Variants in MYO1D observed in about 807,000 individuals in gnomAD.
The protein encoded by MYO1D is myosin ID, also known as unconventional myosin-Id.
A neutral mutation model predicts 122.0 loss-of-function variants in MYO1D; 83 were observed. The ratio of observed to expected loss-of-function variants is 0.68; its 90% CI spans 0.57 to 0.82. The LOEUF (loss-of-function observed/expected upper bound fraction) is 0.82, where lower values mean the gene tolerates loss of function less well. Among genes scored for constraint, MYO1D ranks in the 40% least tolerant of loss-of-function variants. The probability of loss-of-function intolerance (pLI) is 0.00; values close to 1 mark genes in which losing one functional copy is unlikely to be tolerated. For missense variants in MYO1D, 1,157 were observed against 1,269.5 expected (o/e 0.91, Z 1.35); for synonymous variants, 464 against 446.9 (o/e 1.04, Z -0.48).
intron 1 of MYO1D, among the ~76,000 whole-genome samples, chr17:32,872,775 C>G (rs1265582353): frequency 6.6e-6 from 1 of 150,892 alleles, no homozygotes; most frequent in African/African-American, 2.4e-5. Flanking sequence ...CGGCTCACTG[C>G]AAGCTCCGCT....
At chr17:32,768,945 C>A (rs983069925) in intron 6 of MYO1D, among the ~76,000 whole-genome samples, 6 of 152,184 alleles carry the variant, frequency 3.9e-5, no homozygotes, top group Admixed American at 2.0e-4. Context: ...CCATCCTCTA[C>A]CCTCATTTCT....
At chr17:32,849,652 G>A (rs12939809) in intron 1 of MYO1D, among the ~76,000 whole-genome samples, 1 of 151,104 alleles carries the variant, frequency 6.6e-6, no homozygotes, top group African/African-American at 2.5e-5. Flanking sequence ...ATCACACTCT[G>A]GGGACTGTTG....
At chr17:32,495,015 G>T in intron 21 of MYO1D, 100 bp from the exon 22 acceptor site, 1 of 1,383,416 alleles carries the variant, frequency 7.2e-7, no homozygotes, top group Non-Finnish European at 9.8e-7. Flanking sequence ...GGCGCAGCCT[G>T]CTTCCTCCAC....
At chr17:32,620,770 A>C (rs755532072) in intron 20 of MYO1D, among the ~76,000 whole-genome samples, 2 of 152,232 alleles carry the variant, frequency 1.3e-5, no homozygotes, top group East Asian at 3.8e-4. Context: ...TCAGAAATGT[A>C]GTTTCTCCTG....
intron 1 of MYO1D, among the ~76,000 whole-genome samples, chr17:32,853,303 C>A (rs910555249): frequency 1.3e-5 from 2 of 152,182 alleles, no homozygotes; most frequent in African/African-American, 4.8e-5. Context: ...TCATTAACAC[C>A]ACAGTCTTCT....
chr17:32,523,673 C>T (rs1369926258), intron 21 of MYO1D, among the ~76,000 whole-genome samples: 3 of 151,302 alleles, frequency 2.0e-5, no homozygotes, highest in African/African-American at 7.3e-5. Flanking sequence ...TGGTGGTGTG[C>T]ACTTATAGTC....
chr17:32,712,670 A>T (rs78359596), intron 15 of MYO1D, among the ~76,000 whole-genome samples: 2 of 151,458 alleles, frequency 1.3e-5, no homozygotes, highest in African/African-American at 2.4e-5. Context: ...ATCTCTAGAT[A>T]AAAAAACTAT....
At chr17:32,577,307 T>G (rs117816692) in intron 21 of MYO1D, among the ~76,000 whole-genome samples, 2,685 of 151,684 alleles carry the variant, frequency 0.018, 43 homozygotes, top group South Asian at 0.027. Flanking sequence ...TTATTTTGTG[T>G]TTTTTGTAGA....
intron 12 of MYO1D, among the ~76,000 whole-genome samples, chr17:32,746,137 T>G (rs1669616176): frequency 6.6e-6 from 1 of 152,210 alleles, no homozygotes; most frequent in South Asian, 2.1e-4. Context: ...CTTACATATT[T>G]AATCCTGCAA....
chr17:32,542,766 C>A (rs150460577), intron 21 of MYO1D, among the ~76,000 whole-genome samples: 1,687 of 152,214 alleles, frequency 0.011, 8 homozygotes, highest in East Asian at 0.047. Context: ...TAAGCACAGT[C>A]CAGTGAGGCC....
At chr17:32,522,791 G>T (rs1910192640) in intron 21 of MYO1D, among the ~76,000 whole-genome samples, 1 of 144,384 alleles carries the variant, frequency 6.9e-6, no homozygotes, top group Non-Finnish European at 1.5e-5. Flanking sequence ...TGGCTGTCAG[G>T]CTCCTCAGTC....
intron 16 of MYO1D, among the ~76,000 whole-genome samples, chr17:32,705,027 T>TA (rs1000251538): frequency 1.3e-5 from 2 of 152,146 alleles, no homozygotes; most frequent in African/African-American, 4.8e-5. Context: ...GTTATTTCTT[T>TA]AAAAAAAGAG....
chr17:32,674,290 G>A (rs1043449034), intron 16 of MYO1D, among the ~76,000 whole-genome samples: 1 of 152,162 alleles, frequency 6.6e-6, no homozygotes, highest in Non-Finnish European at 1.5e-5. Context: ...TGCAACATTA[G>A]ATGATTCATA....
chr17:32,578,101 TAA>T (rs540590640), intron 21 of MYO1D, among the ~76,000 whole-genome samples: 386 of 152,340 alleles, frequency 2.5e-3, no homozygotes, highest in Non-Finnish European at 3.9e-3. Context: ...TTATAAAACA[TAA>T]GAGATGGCTG....
At chr17:32,514,273 CGTAGA>C (rs1909809604) in intron 21 of MYO1D, among the ~76,000 whole-genome samples, 2 of 118,684 alleles carry the variant, frequency 1.7e-5, no homozygotes, top group African/African-American at 3.1e-5. Flanking sequence ...AAAAAAAAAT[CGTAGA>C]GACAGGGTTT....
At position 32,494,541 on chromosome 17, in the gene MYO1D, A is replaced by G; in HGVS notation, c.*218T>C. Reference sequence around the variant, plus strand: ...AGCCCAGGGGTCTGGGCGGGGCACCAGGGTCTTTGGCTTATTGAACAGGGA... The same window carrying G: ...AGCCCAGGGGTCTGGGCGGGGCACCGGGGTCTTTGGCTTATTGAACAGGGA... On this transcript the variant is annotated 3_prime_UTR_variant, in exon 22 of 22. Coordinates refer to ENST00000318217, the MANE Select transcript of MYO1D (RefSeq NM_015194.3). 6.6e-6 allele frequency: 4 copies of G among 610,500 alleles called. No homozygotes were observed. Among genetic ancestry groups the G allele is most frequent in the South Asian group, 2.1e-5 (1 of 47,226 alleles). 37.8% of individuals were successfully genotyped at this position (610,500 alleles called of 1,614,324 possible). A position where few individuals can be genotyped will look rare whatever the true frequency, so the allele number is the denominator to read the frequency against.
intron 1 of MYO1D, among the ~76,000 whole-genome samples, chr17:32,809,130 T>C (rs2090546585): frequency 7.9e-6 from 1 of 126,110 alleles, no homozygotes; most frequent in Non-Finnish European, 1.7e-5. Flanking sequence ...ATTTTTGTTT[T>C]TGATAAAAAA....
At chr17:32,525,911 G>C (rs1451637008) in intron 21 of MYO1D, among the ~76,000 whole-genome samples, 1 of 152,160 alleles carries the variant, frequency 6.6e-6, no homozygotes, top group Admixed American at 6.5e-5. Context: ...AGGTCATTCA[G>C]CTATTTGTCT....
chr17:32,833,277 A>G (rs950756208), intron 1 of MYO1D, among the ~76,000 whole-genome samples: 3 of 152,208 alleles, frequency 2.0e-5, no homozygotes, highest in Non-Finnish European at 4.4e-5. Context: ...TTTATCTTCA[A>G]AGTACATACA....
Sources: gnomAD v4.1 joint callset for allele counts (sites outside exome capture counted in the v4.1 genomes callset) on GRCh38, gnomAD v4.1.1 for gene constraint, MANE v1.5 for transcripts, NCBI Gene and HGNC (gene_info 2026-07-23, HGNC 2026-07-21) for gene names.